The following DOCK5 variants were observed in gnomAD, a reference collection of about 807,000 sequenced individuals.
The protein encoded by DOCK5 is dedicator of cytokinesis protein 5.
DOCK5 carries 142 observed loss-of-function variants against 251.8 expected under a neutral mutation model. The observed-to-expected ratio is 0.56, with a 90% CI of 0.49 to 0.65. DOCK5 has a LOEUF of 0.65. Ranked by LOEUF, DOCK5 falls within the 30% of genes least tolerant of loss-of-function variation. The pLI is 0.00. For missense variants in DOCK5, 2,111 were observed against 2,312.3 expected (o/e 0.91, Z 1.79); for synonymous variants, 842 against 835.5 (o/e 1.01, Z -0.13).
chr8:25,385,287 G>A (rs901802189), intron 40 of DOCK5, among the ~76,000 whole-genome samples: 1 of 152,174 alleles, frequency 6.6e-6, no homozygotes, highest in Admixed American at 6.5e-5. Flanking sequence ...GAATGGATGG[G>A]AGGTGCTGCA....
chr8:25,229,955 A>G (rs1802627720), intron 1 of DOCK5, among the ~76,000 whole-genome samples: 1 of 152,180 alleles, frequency 6.6e-6, no homozygotes, highest in Non-Finnish European at 1.5e-5. Flanking sequence ...TTAATTCTCT[A>G]TGATTTTAAG....
intron 1 of DOCK5, among the ~76,000 whole-genome samples, chr8:25,221,445 A>G (rs1027190471): frequency 1.3e-5 from 2 of 152,108 alleles, no homozygotes; most frequent in African/African-American, 4.8e-5. Flanking sequence ...AGTAGCCGGG[A>G]TTACAGGCGC....
intron 2 of DOCK5, 43 bp downstream of exon 2, chr8:25,243,800 A>C (rs765234181): frequency 1.3e-6 from 2 of 1,584,362 alleles, no homozygotes; most frequent in Non-Finnish European, 1.7e-6. Context: ...CAAGGGAAAA[A>C]CAGTGTAAGT....
At chr8:25,356,907 T>TGTA (rs1800583275) in intron 27 of DOCK5, among the ~76,000 whole-genome samples, 3 of 131,330 alleles carry the variant, frequency 2.3e-5, no homozygotes, top group African/African-American at 8.4e-5. Context: ...TATATGAAGA[T>TGTA]TATATATATA....
Position 25,374,804 on chromosome 8 carries a change from A to G in DOCK5, c.3816+150A>G, listed in dbSNP as rs566118737. 114 of 1,536,464 alleles carry G rather than the reference A, an allele frequency of 7.4e-5. No homozygotes were observed. In the South Asian group the frequency reaches 1.3e-3, roughly 17 times the overall value. The stretch of plus-strand genomic sequence containing the variant: ...TTTTTAGTTCTTTCTAAATAGGCAC[A>G]GCTAATTTGTAGATCAAGTATGGGA... On this transcript the variant is annotated intron_variant, in intron 37 of 51. Transcript: ENST00000276440.
chr8:25,191,347 TA>T (rs1255688643), intron 1 of DOCK5, among the ~76,000 whole-genome samples: 3 of 152,212 alleles, frequency 2.0e-5, no homozygotes, highest in African/African-American at 7.2e-5. Flanking sequence ...AGTCAGACAT[TA>T]AAGAGACTTC....
rs184398662 is a variant in DOCK5, at chr8:25,381,718, C to T, written c.4027-956C>T. On this transcript the variant is annotated intron_variant, in intron 39 of 51. Transcript: ENST00000276440. ...CCGGTCTAAGAAAATAGTATTTTGA[C>T]GAGACCATCACCTAGATAGAAGAGT... Among the ~76,000 whole-genome samples the T allele has an allele frequency of 1.9e-3, 285 of 151,970 alleles. 3 individuals carry two copies. The South Asian group carries it at 0.031, about 16-fold the overall frequency.
chr8:25,332,846 A>G (rs1318249815), intron 20 of DOCK5, among the ~76,000 whole-genome samples, 154 bp downstream of exon 20: 3 of 152,242 alleles, frequency 2.0e-5, no homozygotes, highest in Admixed American at 1.3e-4. Context: ...TAGAAGTACT[A>G]TTAGAAACAA....
At chr8:25,365,277 A>G (rs961835492) in intron 30 of DOCK5, among the ~76,000 whole-genome samples, 4 of 152,214 alleles carry the variant, frequency 2.6e-5, no homozygotes, top group South Asian at 2.1e-4. Flanking sequence ...GTGAAGGCAG[A>G]TAAGTTCCTT....
At chr8:25,346,964 G>C (rs555083543) in intron 26 of DOCK5, among the ~76,000 whole-genome samples, 1 of 152,140 alleles carries the variant, frequency 6.6e-6, no homozygotes, top group Admixed American at 6.5e-5. Context: ...GAACAGTTGA[G>C]GGCTGAGAAA....
intron 15 of DOCK5, 71 bp downstream of exon 15, chr8:25,319,747 C>T: frequency 9.0e-7 from 1 of 1,110,580 alleles, no homozygotes; most frequent in Non-Finnish European, 1.3e-6. Context: ...CTGTTTACCC[C>T]CAAATTATTC....
At chr8:25,248,299 C>G (rs1354594667) in intron 2 of DOCK5, among the ~76,000 whole-genome samples, 2 of 152,152 alleles carry the variant, frequency 1.3e-5, no homozygotes, top group South Asian at 4.1e-4. Context: ...AGGCAAGGGC[C>G]GGAGTGCTTT....
intron 40 of DOCK5, among the ~76,000 whole-genome samples, chr8:25,383,392 GAC>G (rs1185155360): frequency 2.0e-5 from 3 of 152,130 alleles, no homozygotes; most frequent in Non-Finnish European, 4.4e-5. Flanking sequence ...TGCCTAATGA[GAC>G]AGTTTATTCA....
chr8:25,255,931 C>T (rs1034196507), intron 2 of DOCK5, among the ~76,000 whole-genome samples: 1 of 152,072 alleles, frequency 6.6e-6, no homozygotes, highest in Non-Finnish European at 1.5e-5. Flanking sequence ...TCTGTTTCAC[C>T]CATGGAGTTG....
At chr8:25,257,671 C>G (rs1354352347) in intron 2 of DOCK5, among the ~76,000 whole-genome samples, 1 of 152,128 alleles carries the variant, frequency 6.6e-6, no homozygotes, top group Non-Finnish European at 1.5e-5. Flanking sequence ...CGTTGCTGTC[C>G]TGGAGGGAGA....
At chr8:25,364,846 T>C in intron 30 of DOCK5, 142 bp downstream of exon 30, 1 of 617,324 alleles carries the variant, frequency 1.6e-6, no homozygotes, top group Non-Finnish European at 2.8e-6. Flanking sequence ...CTAAAGCACA[T>C]ATGCCTGTCA....
intron 36 of DOCK5, among the ~76,000 whole-genome samples, chr8:25,373,929 G>A: frequency 6.6e-6 from 1 of 152,172 alleles, no homozygotes; most frequent in East Asian, 1.9e-4. Flanking sequence ...GGCTGTACAG[G>A]AAGAGGCAGG....
At chr8:25,320,321 A>C (rs1805387798) in intron 15 of DOCK5, among the ~76,000 whole-genome samples, 1 of 152,266 alleles carries the variant, frequency 6.6e-6, no homozygotes, top group African/African-American at 2.4e-5. Context: ...ATCTCAATTT[A>C]GAATTAACCA....
intron 11 of DOCK5, among the ~76,000 whole-genome samples, chr8:25,308,541 T>C (rs1335200446): frequency 3.3e-5 from 5 of 152,180 alleles, no homozygotes; most frequent in Non-Finnish European, 7.4e-5. Context: ...TTGCTAACCG[T>C]TGGTCACCAG....
Sources: allele counts gnomAD v4.1 joint callset (sites outside exome capture counted in the v4.1 genomes callset), GRCh38; gene constraint gnomAD v4.1.1; transcripts MANE v1.5; gene names NCBI Gene and HGNC (gene_info 2026-07-23, HGNC 2026-07-21).